The following DICER1 variants were observed in gnomAD, a reference collection of about 807,000 sequenced individuals.
DICER1 encodes the protein endoribonuclease Dicer.
In DICER1, 43 loss-of-function variants were observed where a neutral mutation model predicts 194.1. That is an observed-to-expected ratio of 0.22 (90% CI 0.17 to 0.29). DICER1 has a LOEUF of 0.29. Ranked by LOEUF, DICER1 falls within the 10% of genes least tolerant of loss-of-function variation. The pLI, the probability that DICER1 is intolerant of heterozygous loss-of-function variation, is 1.00. For synonymous variants in DICER1, 832 were observed against 820.5 expected (o/e 1.01, Z -0.24); for missense variants, 1,608 against 2,317.0 (o/e 0.69, Z 6.28).
rs1245068773 is a variant in DICER1 at position 95,124,618 on chromosome 14, T to G, written c.954A>C (p.Ala318=). 1.2e-6 allele frequency: 2 copies of G among 1,613,744 alleles called. No individual in the cohort carries two copies. The highest frequency in any genetic ancestry group is 1.7e-5 in the Admixed American group (1 of 60,026). The change falls in exon 8 of 27, where the codon GCA becomes GCC. Residue 318 remains alanine, a synonymous_variant. Coordinates refer to ENST00000343455, the MANE Select transcript of DICER1 (RefSeq NM_177438.3). The surrounding 1 kb of genome is among the most constrained non-coding windows in gnomAD (Gnocchi z 4.5). The part of the protein sequence containing the change: ...AVLVVLGPWC[A]DKVAGMMVRE... ...TTACCATCATTCCAGCTACTTTATC[T>G]GCACACCAGGGTCCCAGAACTACCA...
chr14:95,121,741 A>G (rs904880561), intron 8 of DICER1, among the ~76,000 whole-genome samples: 2 of 152,180 alleles, frequency 1.3e-5, no homozygotes, highest in African/African-American at 4.8e-5. Flanking sequence ...TGTAATATGG[A>G]AAGAACATCT....
At chr14:95,142,405 C>T (rs888667932) in intron 1 of DICER1, among the ~76,000 whole-genome samples, 7 of 152,140 alleles carry the variant, frequency 4.6e-5, no homozygotes, top group African/African-American at 1.7e-4. Context: ...TATACCGCCA[C>T]CTAGTAGGAT....
At chr14:95,094,236 C>T (rs956564691) in intron 23 of DICER1, 80 bp from the exon 24 acceptor site, 17 of 1,510,472 alleles carry the variant, frequency 1.1e-5, no homozygotes, top group Admixed American at 5.0e-5. Flanking sequence ...TCCCCAAATC[C>T]GAAGAAGATT....
intron 15 of DICER1, 53 bp downstream of exon 15, chr14:95,108,270 TC>T (rs2140029647): frequency 2.5e-5 from 38 of 1,548,906 alleles, no homozygotes; most frequent in Non-Finnish European, 3.0e-5. Context: ...TTTTTTTTTT[TC>T]CTTTTCCTAA....
intron 17 of DICER1, 41 bp downstream of exon 17, chr14:95,107,567 C>T (rs765567313): frequency 5.6e-5 from 90 of 1,609,876 alleles, no homozygotes; most frequent in Non-Finnish European, 7.3e-5. Context: ...TCTTTTAAAA[C>T]AAAGTATCAC....
intron 14 of DICER1, among the ~76,000 whole-genome samples, chr14:95,110,542 G>A (rs1405585430): frequency 2.0e-5 from 3 of 152,054 alleles, no homozygotes; most frequent in South Asian, 2.1e-4. Flanking sequence ...CCTTGTCAAC[G>A]TTCTAATGAA....
intron 14 of DICER1, among the ~76,000 whole-genome samples, chr14:95,110,507 C>G (rs917920110): frequency 2.6e-5 from 4 of 152,102 alleles, no homozygotes; most frequent in African/African-American, 9.7e-5. Flanking sequence ...AGACAGTGGC[C>G]CTGGCTGGGA....
intron 20 of DICER1, among the ~76,000 whole-genome samples, chr14:95,104,614 G>T (rs1891243089): frequency 6.6e-6 from 1 of 152,172 alleles, no homozygotes; most frequent in African/African-American, 2.4e-5. Flanking sequence ...TAAATATTGT[G>T]GTTATTCCTA....
Position 95,103,687 on chromosome 14 carries a change from G to C in DICER1, c.3709C>G (p.Leu1237Val). Residue 1237 changes from leucine (L) to valine (V), a missense_variant, in exon 21 of 27, where the codon CTC becomes GTC. By Grantham distance (32) the Leu-to-Val change is conservative (BLOSUM62 1). Coordinates refer to ENST00000343455, the MANE Select transcript of DICER1 (RefSeq NM_177438.3). Reference protein sequence around the residue: ...NQPQPSDECTLLSNKYLDGNA... With the variant: ...NQPQPSDECTVLSNKYLDGNA... ...CCATCAAGGTATTTATTACTCAGGA[G>C]AGTACATTCATCGCTGGGCTGGGGC... 6.2e-7 allele frequency: 1 copy of C among 1,614,174 alleles called. No homozygotes were observed. The highest frequency in any genetic ancestry group is 1.1e-5 in the South Asian group (1 of 91,080).
In DICER1 at chr14:95,091,309, G is replaced by C. The variant is rs764305391; in HGVS notation, c.5421C>G (p.Ala1807=). 1 of 1,614,012 alleles carries C rather than the reference G, an allele frequency of 6.2e-7. No homozygotes were observed. Among genetic ancestry groups the C allele is most frequent in the Admixed American group, 1.7e-5 (1 of 60,010 alleles). Reference sequence around the variant, plus strand: ...CAAGCGACTCAAAAATATCCCCCATGGCCTTTGGAACTTCAATATCCTCTT... The same window carrying C: ...CAAGCGACTCAAAAATATCCCCCATCGCCTTTGGAACTTCAATATCCTCTT... The part of the protein sequence containing the change: ...EKEEDIEVPK[A]MGDIFESLAG... Residue 1807 remains alanine, a synonymous_variant, in exon 25 of 27, where the codon GCC becomes GCG. Transcript: ENST00000343455.
chr14:95,138,004 CAA>C (rs1261310853), intron 1 of DICER1: 1 of 154,686 alleles, frequency 6.5e-6, no homozygotes, highest in Non-Finnish European at 1.5e-5. Flanking sequence ...CCAAGACCAA[CAA>C]AGACTCAATT....
At chr14:95,140,089 A>AT (rs1894731918) in intron 1 of DICER1, among the ~76,000 whole-genome samples, 1 of 152,224 alleles carries the variant, frequency 6.6e-6, no homozygotes, top group Non-Finnish European at 1.5e-5. Context: ...AGTTTCACAG[A>AT]TAAACTGGCT....
chr14:95,109,567 G>A (rs959171452), intron 14 of DICER1, among the ~76,000 whole-genome samples: 1 of 152,172 alleles, frequency 6.6e-6, no homozygotes, highest in African/African-American at 2.4e-5. Context: ...TATCATTAAC[G>A]ACTTTATCAC....
chr14:95,102,121 T>C (rs1250108690), intron 21 of DICER1, among the ~76,000 whole-genome samples: 11 of 152,220 alleles, frequency 7.2e-5, no homozygotes, highest in South Asian at 2.1e-4. Flanking sequence ...TACGTGTGTG[T>C]GCGTATACGG....
chr14:95,130,244 T>C (rs1893842046), intron 4 of DICER1, 52 bp from the exon 5 acceptor site: 1 of 1,566,274 alleles, frequency 6.4e-7, no homozygotes, highest in Non-Finnish European at 8.7e-7. Flanking sequence ...TGCCTGGATA[T>C]ACTTACATAA....
At chr14:95,131,013 A>C (rs569956200) in intron 4 of DICER1, among the ~76,000 whole-genome samples, 1 of 152,318 alleles carries the variant, frequency 6.6e-6, no homozygotes, top group African/African-American at 2.4e-5. Context: ...AAGAGCAATA[A>C]AAATTAGTAA....
intron 14 of DICER1, among the ~76,000 whole-genome samples, chr14:95,111,020 A>G (rs1308096636): frequency 6.6e-6 from 1 of 152,234 alleles, no homozygotes; most frequent in Admixed American, 6.5e-5. Flanking sequence ...AATGAAACAA[A>G]GAATGTCTAT....
chr14:95,156,445 C>A (rs1895871031), intron 1 of DICER1, among the ~76,000 whole-genome samples: 1 of 152,228 alleles, frequency 6.6e-6, no homozygotes, highest in African/African-American at 2.4e-5. Context: ...CTCATCTCCA[C>A]GTTTCCGCGG....
At chr14:95,127,393 T>G (rs1300087355) in intron 6 of DICER1, among the ~76,000 whole-genome samples, 2 of 152,256 alleles carry the variant, frequency 1.3e-5, no homozygotes, top group East Asian at 1.9e-4. Context: ...TGCCCTTATC[T>G]GAAAGGCTTG....
Sources: gnomAD v4.1 joint callset for allele counts (sites outside exome capture counted in the v4.1 genomes callset) on GRCh38, gnomAD v4.1.1 for gene constraint, Gnocchi (gnomAD v3.1) non-coding constraint, MANE v1.5 for transcripts, NCBI Gene and HGNC (gene_info 2026-07-23, HGNC 2026-07-21) for gene names.